BEGAIN: variants seen among roughly 807,000 people sequenced by gnomAD.
BEGAIN encodes the protein brain-enriched guanylate kinase-associated protein.
In BEGAIN, 19 loss-of-function variants were observed where a neutral mutation model predicts 35.8. The observed-to-expected ratio is 0.53, with a 90% confidence interval of 0.37 to 0.78. BEGAIN has a LOEUF of 0.78. Among genes scored for constraint, BEGAIN ranks in the 30% least tolerant of loss-of-function variants. The pLI is 0.00. For missense variants in BEGAIN, 795 were observed against 853.6 expected, an observed-to-expected ratio of 0.93 and a Z score of 0.85; for synonymous variants, 462 against 388.6, an observed-to-expected ratio of 1.19 and a Z score of -2.22.
chr14:100,540,228 C>G (rs1451756241), intron 6 of BEGAIN: 8 of 510,444 alleles, frequency 1.6e-5, no homozygotes, highest in Admixed American at 9.7e-5. Flanking sequence ...CCTGGAGCAG[C>G]CCCCCAAAGG....
intron 2 of BEGAIN, among the ~76,000 whole-genome samples, chr14:100,565,395 G>A (rs1478199746): frequency 6.6e-6 from 1 of 152,188 alleles, no homozygotes; most frequent in Non-Finnish European, 1.5e-5. Flanking sequence ...GACCAGGGAA[G>A]AGAGACCCCT....
chr14:100,538,284 C>A lies in BEGAIN; in HGVS notation c.1524G>T (p.Glu508Asp). ...GDDLSQGHLA[E>D]PCFLRAGGDL... is the part of the protein sequence containing the mutation. Reference sequence around the variant, plus strand: ...CGCCGCCCGCCCGCAGGAAGCAGGGCTCTGCCAGGTGGCCCTGGGAGAGGT... The same window carrying A: ...CGCCGCCCGCCCGCAGGAAGCAGGGATCTGCCAGGTGGCCCTGGGAGAGGT... Residue 508 changes from glutamate (E) to aspartate (D), a missense_variant, in exon 7 of 7, where the codon GAG (glutamate) becomes GAT (aspartate). Coordinates refer to ENST00000554140, the MANE Select transcript of BEGAIN (RefSeq NM_001385089.1). The A allele has an allele frequency of 6.4e-7, 1 of 1,554,194 alleles. No homozygotes were observed. Among genetic ancestry groups the A allele is most frequent in the Non-Finnish European group, 8.6e-7 (1 of 1,158,962 alleles).
chr14:100,543,173 G>A (rs1254785861), intron 5 of BEGAIN, among the ~76,000 whole-genome samples: 1 of 152,170 alleles, frequency 6.6e-6, no homozygotes, highest in African/African-American at 2.4e-5. Context: ...AAATCTGCAG[G>A]CCCTGCAGCT....
intron 3 of BEGAIN, chr14:100,545,439 C>A (rs183308606): frequency 2.8e-6 from 3 of 1,058,968 alleles, no homozygotes; most frequent in East Asian, 1.6e-4. Flanking sequence ...AGTTCAAATG[C>A]AAATGAGCAG....
In BEGAIN at chr14:100,538,371, G is replaced by A. The variant is rs1341791588; in HGVS notation, c.1437C>T (p.Ala479=). 21 of 1,514,342 alleles carry A rather than the reference G, an allele frequency of 1.4e-5. No homozygotes were observed. Among genetic ancestry groups the A allele is most frequent in the Non-Finnish European group, 1.5e-5 (17 of 1,138,600 alleles). 93.8% of individuals were successfully genotyped at this position (1,514,342 alleles called of 1,614,324 possible). ...GGAGGSPGKK[A]DGRASPLYAS... ...CGTAGAGCGGGCTGGCGCGGCCGTC[G>A]GCCTTCTTGCCCGGGCTGCCCCCGG... Residue 479 remains alanine, a synonymous_variant, in exon 7 of 7, where the codon GCC becomes GCT. Coordinates refer to ENST00000554140, the MANE Select transcript of BEGAIN (RefSeq NM_001385089.1).
chr14:100,545,442 A>C, intron 3 of BEGAIN: 2 of 1,048,940 alleles, frequency 1.9e-6, no homozygotes, highest in Non-Finnish European at 1.2e-6. Flanking sequence ...TCAAATGCAA[A>C]TGAGCAGGGA....
chr14:100,544,978 G>A (rs769603490), intron 4 of BEGAIN, 22 bp downstream of exon 4: 8 of 1,608,308 alleles, frequency 5.0e-6, no homozygotes, highest in Non-Finnish European at 6.8e-6. Flanking sequence ...GTGGGGGAGT[G>A]GGCGCTGCGT....
chr14:100,572,415 G>T (rs1198554970), intron 1 of BEGAIN, among the ~76,000 whole-genome samples: 1 of 152,158 alleles, frequency 6.6e-6, no homozygotes, highest in African/African-American at 2.4e-5. Context: ...CAGAGGCCTG[G>T]GTTCCTGTCC....
intron 2 of BEGAIN, among the ~76,000 whole-genome samples, chr14:100,561,789 G>A (rs375452896): frequency 5.9e-5 from 9 of 152,166 alleles, no homozygotes; most frequent in East Asian, 3.9e-4. Flanking sequence ...ACCTAGGTGC[G>A]TCTACCTTCT....
rs1328233974 is a variant in BEGAIN, at chr14:100,538,409, A to G, written c.1399T>C (p.Tyr467His). ...GGGCTGCCCCCGGCCCCGCCGTAGT[A>G]GCGTTCAGAGAAGCTGCAGGGTGAG... Reference protein sequence around the residue: ...RASPCSFSERYYGGAGGSPGK... With the variant: ...RASPCSFSERHYGGAGGSPGK... Residue 467 changes from tyrosine to histidine, a missense_variant, in exon 7 of 7, where the codon TAC (tyrosine) becomes CAC (histidine). By Grantham distance (83) the Tyr-to-His change is moderately conservative. Coordinates refer to ENST00000554140, the MANE Select transcript of BEGAIN (RefSeq NM_001385089.1). The G allele has an allele frequency of 1.0e-5, 16 of 1,572,346 alleles. No individual in the cohort carries two copies. Among genetic ancestry groups the G allele is most frequent in the East Asian group, 4.5e-5 (2 of 43,984 alleles).
At chr14:100,556,813 T>G (rs938160318) in intron 2 of BEGAIN, among the ~76,000 whole-genome samples, 24 of 152,096 alleles carry the variant, frequency 1.6e-4, no homozygotes, top group Admixed American at 9.2e-4. Context: ...TGTCCCCTAG[T>G]GAGGGGACAG....
At chr14:100,546,714 C>A in intron 2 of BEGAIN, 52 bp from the exon 3 acceptor site, 1 of 1,499,382 alleles carries the variant, frequency 6.7e-7, no homozygotes, top group African/African-American at 1.4e-5. Context: ...GCGGGGGAAA[C>A]TAAGGCCCGC....
intron 2 of BEGAIN, among the ~76,000 whole-genome samples, chr14:100,556,818 G>A (rs1290363120): frequency 6.6e-6 from 1 of 152,160 alleles, no homozygotes; most frequent in African/African-American, 2.4e-5. Context: ...CCTAGTGAGG[G>A]GACAGCTGGG....
intron 2 of BEGAIN, among the ~76,000 whole-genome samples, chr14:100,553,464 G>T (rs139427087): frequency 3.9e-5 from 6 of 152,224 alleles, no homozygotes; most frequent in African/African-American, 1.4e-4. Flanking sequence ...AGGACATTTT[G>T]CCTCAAGCCA....
At position 100,543,969 on chromosome 14, in the gene BEGAIN, G is replaced by C. The variant is rs1209282592; in HGVS notation, c.301-4C>G. ...TCTCCTCCTCATAGTGCTGGCCCTGGGGGTGGGACAGTGGGAGGAGGAGGC... is the reference window on the plus strand; with the variant it reads ...TCTCCTCCTCATAGTGCTGGCCCTGCGGGTGGGACAGTGGGAGGAGGAGGC... On this transcript the variant is annotated splice_region_variant and splice_polypyrimidine_tract_variant and intron_variant, in intron 4 of 6. Coordinates refer to ENST00000554140, the MANE Select transcript of BEGAIN (RefSeq NM_001385089.1). 7.5e-6 allele frequency: 12 copies of C among 1,604,150 alleles called. No homozygotes were observed. Among genetic ancestry groups the C allele is most frequent in the Non-Finnish European group, 1.0e-5 (12 of 1,175,430 alleles).
chr14:100,564,350 G>A (rs920680515), intron 2 of BEGAIN, among the ~76,000 whole-genome samples: 2 of 151,932 alleles, frequency 1.3e-5, no homozygotes, highest in African/African-American at 4.8e-5. Flanking sequence ...GGCACCCCAG[G>A]AGCCATGAGA....
At chr14:100,570,595 C>A (rs1449321400) in intron 1 of BEGAIN, among the ~76,000 whole-genome samples, 1 of 152,226 alleles carries the variant, frequency 6.6e-6, no homozygotes, top group Admixed American at 6.5e-5. Context: ...ACCAGCCCAG[C>A]ACCTGGCAGG....
At chr14:100,549,771 A>T (rs1330662172) in intron 2 of BEGAIN, 1 of 152,356 alleles carries the variant, frequency 6.6e-6, no homozygotes, top group Admixed American at 6.5e-5. Context: ...GGCCACTGGG[A>T]ATCTGGGGGA....
At chr14:100,553,612 T>G (rs1159898233) in intron 2 of BEGAIN, among the ~76,000 whole-genome samples, 1 of 152,040 alleles carries the variant, frequency 6.6e-6, no homozygotes, top group East Asian at 1.9e-4. Context: ...GGACATGTCC[T>G]CGTCTCCCTT....
Sources: gnomAD v4.1 joint callset for allele counts (sites outside exome capture counted in the v4.1 genomes callset) on GRCh38, gnomAD v4.1.1 for gene constraint, MANE v1.5 for transcripts, NCBI Gene and HGNC (gene_info 2026-07-23, HGNC 2026-07-21) for gene names.